Variants in DHTKD1 observed in about 807,000 individuals in gnomAD.
The protein encoded by DHTKD1 is dehydrogenase E1 and transketolase domain containing 1.
A neutral mutation model predicts 101.8 loss-of-function variants in DHTKD1; 78 were observed. The observed-to-expected ratio is 0.77, with a 90% CI of 0.64 to 0.93. The LOEUF is 0.93. Among genes scored for constraint, DHTKD1 ranks in the 40% least tolerant of loss-of-function variants. The probability of loss-of-function intolerance (pLI) is 0.00; values close to 1 mark genes in which losing one functional copy is unlikely to be tolerated. For synonymous variants in DHTKD1, 462 were observed against 450.3 expected (o/e 1.03, Z -0.33); for missense variants, 1,223 against 1,161.7 (o/e 1.05, Z -0.77).
At chr10:12,116,093 G>T (rs1833412446) in intron 13 of DHTKD1, among the ~76,000 whole-genome samples, 1 of 151,968 alleles carries the variant, frequency 6.6e-6, no homozygotes, top group Non-Finnish European at 1.5e-5. Flanking sequence ...ACCATGCCTG[G>T]CTCATTTTTG....
chr10:12,072,468 TAAATA>T (rs1832665338), intron 1 of DHTKD1, among the ~76,000 whole-genome samples: 1 of 19,798 alleles, frequency 5.1e-5, no homozygotes, highest in African/African-American at 1.2e-4. Flanking sequence ...TCTCAATAAA[TAAATA>T]AATAAATAAA....
chr10:12,102,371 C>T (rs910576267), intron 10 of DHTKD1, among the ~76,000 whole-genome samples: 1 of 149,426 alleles, frequency 6.7e-6, no homozygotes, highest in Non-Finnish European at 1.5e-5. Flanking sequence ...TTGCAGTGAG[C>T]CGAGAACACA....
At chr10:12,116,086 A>T (rs1252259053) in intron 13 of DHTKD1, among the ~76,000 whole-genome samples, 1 of 151,988 alleles carries the variant, frequency 6.6e-6, no homozygotes, top group East Asian at 1.9e-4. Context: ...ATGCACCACC[A>T]TGCCTGGCTC....
intron 5 of DHTKD1, 24 bp from the exon 6 acceptor site, chr10:12,091,489 C>T (rs376440912): frequency 9.9e-6 from 15 of 1,515,110 alleles, no homozygotes; most frequent in East Asian, 7.5e-5. Context: ...TCTCCCCACC[C>T]GCTCCCCTTG....
chr10:12,108,899 C>A (rs1021765934), intron 12 of DHTKD1, among the ~76,000 whole-genome samples: 1 of 152,138 alleles, frequency 6.6e-6, no homozygotes, highest in Non-Finnish European at 1.5e-5. Context: ...CACCTGTAAT[C>A]CTGGCACTTT....
At chr10:12,093,104 C>T (rs1192801379) in intron 6 of DHTKD1, among the ~76,000 whole-genome samples, 3 of 149,954 alleles carry the variant, frequency 2.0e-5, no homozygotes, top group Non-Finnish European at 4.4e-5. Context: ...AGTGCAATGG[C>T]GCCATCTCGG....
chr10:12,101,002 A>G lies in DHTKD1; in HGVS notation c.1757-40A>G, dbSNP rs1368454922. The G allele has an allele frequency of 1.1e-5, 17 of 1,607,758 alleles. No homozygotes were observed. The African/African-American group carries it at 1.9e-4, about 18-fold the overall frequency. ...AGTCACCACACCTTATTATTAGGTTATTTATGGGAATCTGACTTTTTTTTT... is the reference window on the plus strand; with the variant it reads ...AGTCACCACACCTTATTATTAGGTTGTTTATGGGAATCTGACTTTTTTTTT... On this transcript the variant is annotated intron_variant, in intron 9 of 16. Coordinates refer to ENST00000263035, the MANE Select transcript of DHTKD1 (RefSeq NM_018706.7).
intron 12 of DHTKD1, 136 bp from the exon 13 acceptor site, chr10:12,112,764 T>C: frequency 1.2e-6 from 1 of 841,252 alleles, no homozygotes; most frequent in Non-Finnish European, 1.8e-6. Context: ...CCTGCTGATA[T>C]TTTTCTGTAA....
chr10:12,082,616 C>CT (rs71382616), intron 2 of DHTKD1, among the ~76,000 whole-genome samples: 94,121 of 144,884 alleles, frequency 0.65, 30,758 homozygotes, highest in South Asian at 0.78. Flanking sequence ...TCTCTTTTTT[C>CT]TTTTTTTTTT....
At chr10:12,098,559 A>C (rs1425628276) in intron 8 of DHTKD1, among the ~76,000 whole-genome samples, 1 of 151,936 alleles carries the variant, frequency 6.6e-6, no homozygotes, top group Non-Finnish European at 1.5e-5. Context: ...TTGCCCTCTA[A>C]ATTATTTTAT....
At chr10:12,085,290 A>C (rs911172657) in intron 3 of DHTKD1, among the ~76,000 whole-genome samples, 2 of 152,068 alleles carry the variant, frequency 1.3e-5, no homozygotes, top group African/African-American at 4.8e-5. Context: ...AGCCTGGGTG[A>C]CAGAGCGAGA....
chr10:12,083,278 G>A (rs1832850896), intron 2 of DHTKD1, among the ~76,000 whole-genome samples: 1 of 106,614 alleles, frequency 9.4e-6, no homozygotes, highest in Non-Finnish European at 2.5e-5. Flanking sequence ...CATAGCTAAT[G>A]AGCTGCAAAA....
In DHTKD1 at chr10:12,120,070, C is replaced by G. The variant is rs1002091903; in HGVS notation, c.2573-112C>G. The G allele has an allele frequency of 8.3e-5, 63 of 756,892 alleles. No individual in the cohort carries two copies. The African/African-American group carries it at 9.8e-4, about 12-fold the overall frequency. The allele number at this position is 756,892 out of a possible 1,614,324, so 46.9% of individuals were successfully genotyped here. ...AGTACAGTTTCTAGTGAATGTGAAT[C>G]CCTTTCACACCATCGTAAAGTTGAA... On this transcript the variant is annotated intron_variant, in intron 15 of 16. Transcript: ENST00000263035.
At chr10:12,098,780 G>T (rs892544684) in intron 8 of DHTKD1, among the ~76,000 whole-genome samples, 2 of 152,264 alleles carry the variant, frequency 1.3e-5, no homozygotes, top group African/African-American at 4.8e-5. Context: ...GGCCAGGTTG[G>T]TCTTGAACTC....
Position 12,120,828 on chromosome 10 carries a change from A to G in DHTKD1, c.2700A>G (p.Val900=). 1.9e-6 allele frequency: 3 copies of G among 1,614,132 alleles called. No individual in the cohort carries two copies. The highest frequency in any genetic ancestry group is 2.5e-6 in the Non-Finnish European group (3 of 1,179,996). ...VGRPPLPVPA[V]GIGTVHLHQH... Reference sequence around the variant, plus strand: ...GGCCCCCTTTGCCAGTACCCGCTGTAGGAATTGGCACAGTTCACTTGCACC... The same window carrying G: ...GGCCCCCTTTGCCAGTACCCGCTGTGGGAATTGGCACAGTTCACTTGCACC... The change falls in exon 17 of 17, where the codon GTA becomes GTG. Residue 900 remains valine, a synonymous_variant. Coordinates refer to ENST00000263035, the MANE Select transcript of DHTKD1 (RefSeq NM_018706.7).
chr10:12,100,891 C>A, intron 9 of DHTKD1, 151 bp from the exon 10 acceptor site: 1 of 776,692 alleles, frequency 1.3e-6, no homozygotes, highest in Non-Finnish European at 2.1e-6. Context: ...TAACTATAGA[C>A]TTTTGAATAT....
intron 15 of DHTKD1, among the ~76,000 whole-genome samples, chr10:12,119,598 A>C (rs1394059676): frequency 2.1e-4 from 30 of 145,798 alleles, no homozygotes; most frequent in Admixed American, 6.9e-5. Flanking sequence ...CCTGGGCGAC[A>C]GAGCGAGACT....
Position 12,122,208 on chromosome 10 carries a change from T to C in DHTKD1, c.*1320T>C, listed in dbSNP as rs907942350. ...GTTTTTCTTTAAATTGTTCTTACAG[T>C]GATATCTTACTATTTTTAACTGTCT... On this transcript the variant is annotated 3_prime_UTR_variant, in exon 17 of 17. Coordinates refer to ENST00000263035, the MANE Select transcript of DHTKD1 (RefSeq NM_018706.7). The C allele has an allele frequency of 2.6e-5, 4 of 152,242 alleles. No individual in the cohort carries two copies. The highest frequency in any genetic ancestry group is 9.6e-5 in the African/African-American group (4 of 41,470). 9.4% of individuals were successfully genotyped at this position (152,242 alleles called of 1,614,324 possible).
Position 12,076,156 on chromosome 10 carries a change from C to T in DHTKD1, c.155-5316C>T, listed in dbSNP as rs80134689. Among the ~76,000 whole-genome samples, 1,526 of 152,298 alleles carry T rather than the reference C, an allele frequency of 0.01. 62 individuals are homozygous for T. In the East Asian group the frequency reaches 0.14, roughly 14 times the overall value. On this transcript the variant is annotated intron_variant, in intron 1 of 16. Coordinates refer to ENST00000263035, the MANE Select transcript of DHTKD1 (RefSeq NM_018706.7). ...AAGCTTTTAGAGTGAGTGCATCAGG[C>T]AGCAAGTCCGCTAAATGGCTGCATT...
Sources: gnomAD v4.1 joint callset for allele counts (sites outside exome capture counted in the v4.1 genomes callset) on GRCh38, gnomAD v4.1.1 for gene constraint, MANE v1.5 for transcripts, NCBI Gene and HGNC (gene_info 2026-07-23, HGNC 2026-07-21) for gene names.